SORCS2: variants seen among roughly 807,000 people sequenced by gnomAD.
SORCS2 encodes VPS10 domain-containing receptor SorCS2.
In SORCS2, 100 loss-of-function variants were observed where a neutral mutation model predicts 141.6. The observed-to-expected ratio is 0.71, with a 90% CI of 0.60 to 0.83. The LOEUF is 0.83. Among genes scored for constraint, SORCS2 ranks in the 40% least tolerant of loss-of-function variants. The pLI is 0.00. For synonymous variants in SORCS2, 789 were observed against 676.9 expected (o/e 1.17, Z -2.57); for missense variants, 1,646 against 1,560.2 (o/e 1.05, Z -0.93).
chr4:7,236,947 T>G (rs913834553), intron 1 of SORCS2, among the ~76,000 whole-genome samples: 3 of 152,234 alleles, frequency 2.0e-5, no homozygotes, highest in Non-Finnish European at 2.9e-5. Context: ...GATGGAGACC[T>G]GGCCTTGGGG....
chr4:7,363,250 T>A (rs1392041749), intron 1 of SORCS2, among the ~76,000 whole-genome samples: 3 of 151,014 alleles, frequency 2.0e-5, no homozygotes, highest in Middle Eastern at 3.4e-3. Context: ...ATCACCATCA[T>A]CACCATCATT....
At chr4:7,562,070 T>C (rs767538356) in intron 3 of SORCS2, among the ~76,000 whole-genome samples, 19 of 152,172 alleles carry the variant, frequency 1.2e-4, no homozygotes, top group African/African-American at 4.3e-4. Context: ...CCCCATGGAG[T>C]TGACAACTTA....
intron 2 of SORCS2, among the ~76,000 whole-genome samples, chr4:7,504,947 G>C (rs930143949): frequency 9.2e-5 from 14 of 152,192 alleles, no homozygotes; most frequent in African/African-American, 3.1e-4. Flanking sequence ...TGTCATGCAT[G>C]ATGCTTCTTG....
In SORCS2 at chr4:7,425,639, C is replaced by G. The variant is rs114618193; in HGVS notation, c.548+29284C>G. On this transcript the variant is annotated intron_variant, in intron 2 of 26. Coordinates refer to ENST00000507866, the MANE Select transcript of SORCS2 (RefSeq NM_020777.3). ...TTGTCAGGAGGCCCAGGTGCCAAAT[C>G]ACACTCATTTTACAGCGGGAAATTC... Among the ~76,000 whole-genome samples, 672 of 152,320 alleles carry G rather than the reference C, an allele frequency of 4.4e-3. 5 individuals are homozygous for G. Among genetic ancestry groups the G allele is most frequent in the African/African-American group, 0.015 (631 of 41,574 alleles).
At chr4:7,531,683 C>G in intron 3 of SORCS2, 54 bp downstream of exon 3, 2 of 1,541,276 alleles carry the variant, frequency 1.3e-6, no homozygotes, top group Non-Finnish European at 1.8e-6. Context: ...GTGCCGCTCA[C>G]TCTGCAGAGC....
Position 7,591,256 on chromosome 4 carries a change from T to C in SORCS2, c.649-47072T>C, listed in dbSNP as rs137968909. ...CCCCTCCACCTGCTGCTGCCTCCTC[T>C]CTCCTTCCTAACAAGGTGTCTCACC... On this transcript the variant is annotated intron_variant, in intron 3 of 26. Coordinates refer to ENST00000507866, the MANE Select transcript of SORCS2 (RefSeq NM_020777.3). Among the ~76,000 whole-genome samples, 20 of 152,254 alleles carry C rather than the reference T, an allele frequency of 1.3e-4. No homozygotes were observed. The East Asian group carries it at 3.9e-3, about 29-fold the overall frequency.
At chr4:7,419,334 T>C (rs1017728830) in intron 2 of SORCS2, among the ~76,000 whole-genome samples, 1 of 152,086 alleles carries the variant, frequency 6.6e-6, no homozygotes, top group Non-Finnish European at 1.5e-5. Context: ...TTTTGCTGGG[T>C]AGAGGTCTCT....
chr4:7,521,750 G>A (rs574978671), intron 2 of SORCS2, among the ~76,000 whole-genome samples: 95 of 152,314 alleles, frequency 6.2e-4, no homozygotes, highest in African/African-American at 2.1e-3. Context: ...CTTTCCCACT[G>A]GGCCTCAGTT....
At chr4:7,354,452 C>T (rs1418678222) in intron 1 of SORCS2, among the ~76,000 whole-genome samples, 1 of 151,998 alleles carries the variant, frequency 6.6e-6, no homozygotes. Flanking sequence ...GAAAGAGAGA[C>T]AACAAGGTGC....
rs1029559582 is a variant in SORCS2 at position 7,648,139 on chromosome 4, C to T, written c.814-5995C>T. 2.0e-5 allele frequency among the ~76,000 whole-genome samples: 3 copies of T among 152,008 alleles called. No individual in the cohort carries two copies. The highest frequency in any genetic ancestry group is 2.4e-5 in the African/African-American group (1 of 41,392). Reference sequence around the variant, plus strand: ...GCGGGCACCTCTGGGATTGTGGTTGCAGGACCTGGTGGATGGTGGGAAGGA... The same window carrying T: ...GCGGGCACCTCTGGGATTGTGGTTGTAGGACCTGGTGGATGGTGGGAAGGA... On this transcript the variant is annotated intron_variant, in intron 4 of 26. Coordinates refer to ENST00000507866, the MANE Select transcript of SORCS2 (RefSeq NM_020777.3). This position sits in a 1 kb window ranked among gnomAD's most constrained non-coding sequence, Gnocchi z 4.2.
chr4:7,433,643 T>C, intron 2 of SORCS2: 1 of 1,610,690 alleles, frequency 6.2e-7, no homozygotes, highest in Non-Finnish European at 8.5e-7. Flanking sequence ...TTGGTGCTCT[T>C]GCTCTCCAAG....
intron 1 of SORCS2, chr4:7,382,014 A>G (rs1040387220): frequency 1.8e-5 from 18 of 981,996 alleles, no homozygotes; most frequent in African/African-American, 1.0e-4. Context: ...CAGGGACACA[A>G]GGAAGGAAGG....
At chr4:7,342,723 G>C (rs1029528451) in intron 1 of SORCS2, among the ~76,000 whole-genome samples, 1 of 152,186 alleles carries the variant, frequency 6.6e-6, no homozygotes, top group Non-Finnish European at 1.5e-5. Context: ...CCCCTATAAA[G>C]TTTCATGTAA....
chr4:7,369,803 C>T (rs1722134223), intron 1 of SORCS2, among the ~76,000 whole-genome samples: 1 of 152,226 alleles, frequency 6.6e-6, no homozygotes, highest in South Asian at 2.1e-4. Context: ...GCCTCCCCAC[C>T]ATGGGCACGT....
At chr4:7,719,118 G>A (rs574024719) in intron 18 of SORCS2, among the ~76,000 whole-genome samples, 2 of 152,234 alleles carry the variant, frequency 1.3e-5, no homozygotes, top group African/African-American at 2.4e-5. Context: ...TTGGCTCTCC[G>A]GTGAACAGTA....
Position 7,433,355 on chromosome 4 carries a change from C to T in SORCS2, c.548+37000C>T, listed in dbSNP as rs549335032. On this transcript the variant is annotated intron_variant, in intron 2 of 26. Coordinates refer to ENST00000507866, the MANE Select transcript of SORCS2 (RefSeq NM_020777.3). ...GCGTGGAGGTGCATCTCTTTCCATA[C>T]ATGCTTCTGGCAGTGTTGCACAGCG... The T allele has an allele frequency of 2.8e-4, 396 of 1,439,014 alleles. 6 individuals carry two copies. The South Asian group carries it at 5.8e-3, about 21-fold the overall frequency. The allele number at this position is 1,439,014 out of a possible 1,614,324, so 89.1% of individuals were successfully genotyped here. A position where few individuals can be genotyped will look rare whatever the true frequency, so the allele number is the denominator to read the frequency against.
chr4:7,531,695 A>G (rs1466563726), intron 3 of SORCS2, 66 bp downstream of exon 3: 1 of 1,484,578 alleles, frequency 6.7e-7, no homozygotes, highest in Non-Finnish European at 9.3e-7. Context: ...CTGCAGAGCA[A>G]GGAAGCTGCT....
intron 3 of SORCS2, among the ~76,000 whole-genome samples, chr4:7,605,704 G>C (rs1718014019): frequency 6.6e-6 from 1 of 152,088 alleles, no homozygotes; most frequent in South Asian, 2.1e-4. Flanking sequence ...GGGATCCCTT[G>C]CTGTTTCACA....
At chr4:7,315,647 T>G (rs1718505907) in intron 1 of SORCS2, among the ~76,000 whole-genome samples, 1 of 152,182 alleles carries the variant, frequency 6.6e-6, no homozygotes. Flanking sequence ...TCCCTGCCCC[T>G]CCTATGGTGA....
Sources: gnomAD v4.1 joint callset for allele counts (sites outside exome capture counted in the v4.1 genomes callset) on GRCh38, gnomAD v4.1.1 for gene constraint, Gnocchi (gnomAD v3.1) non-coding constraint, MANE v1.5 for transcripts, NCBI Gene and HGNC (gene_info 2026-07-23, HGNC 2026-07-21) for gene names.